The following PPP1R9A variants were observed in gnomAD, a reference collection of about 807,000 sequenced individuals.
PPP1R9A encodes protein phosphatase 1 regulatory subunit 9A, also known as neurabin-1.
PPP1R9A carries 59 observed loss-of-function variants against 141.9 expected under a neutral mutation model. The observed-to-expected ratio is 0.42, with a 90% confidence interval of 0.34 to 0.52. The LOEUF is 0.52. Among genes scored for constraint, PPP1R9A ranks in the 20% least tolerant of loss-of-function variants. The probability of loss-of-function intolerance (pLI) is 0.10; values close to 1 mark genes in which losing one functional copy is unlikely to be tolerated. For missense variants in PPP1R9A, 1,444 were observed against 1,611.9 expected, an observed-to-expected ratio of 0.90 and a Z score of 1.78; for synonymous variants, 500 against 569.7, an observed-to-expected ratio of 0.88 and a Z score of 1.74.
At chr7:95,138,208 A>G (rs565774268) in intron 4 of PPP1R9A, among the ~76,000 whole-genome samples, 54 of 152,340 alleles carry the variant, frequency 3.5e-4, no homozygotes, top group African/African-American at 1.2e-3. Flanking sequence ...CTGGGATTAC[A>G]GGCATGAGCC....
At chr7:95,280,095 G>A (rs1377797523) in intron 16 of PPP1R9A, among the ~76,000 whole-genome samples, 1 of 152,102 alleles carries the variant, frequency 6.6e-6, no homozygotes, top group African/African-American at 2.4e-5. Context: ...GCTTTAGATG[G>A]ACATGTTTCT....
chr7:94,984,273 G>T (rs1226715269), intron 2 of PPP1R9A, among the ~76,000 whole-genome samples: 1 of 152,186 alleles, frequency 6.6e-6, no homozygotes, highest in Non-Finnish European at 1.5e-5. Context: ...GTTCGTCAGG[G>T]ATATTGGTCT....
rs564220438 is a variant in PPP1R9A at position 94,911,122 on chromosome 7, C to T, written c.1009C>T (p.Pro337Ser). 3.2e-5 allele frequency: 52 copies of T among 1,614,148 alleles called. No homozygotes were observed. The South Asian group carries it at 5.4e-4, about 17-fold the overall frequency. ...TAAGGCAATGCCAAAGTCCGAAATC[C>T]CTTCACCACAAAGCCAACTGTTAGA... ...ESKAMPKSEI[P>S]SPQSQLLEDA... The change falls in exon 2 of 20, where the codon CCT (proline) becomes TCT (serine). Residue 337 changes from proline (P) to serine (S), a missense_variant. Physicochemically the swap from Pro to Ser is moderately conservative, Grantham distance 74. This residue lies in a region of PPP1R9A where 490 missense variants were observed against 521.1 expected (regional missense o/e 0.94). Transcript: ENST00000433360.
At chr7:95,055,538 T>A (rs1811390323) in intron 2 of PPP1R9A, among the ~76,000 whole-genome samples, 1 of 152,172 alleles carries the variant, frequency 6.6e-6, no homozygotes, top group Admixed American at 6.6e-5. Flanking sequence ...TTTTCTCTTC[T>A]CCATCGAGCT....
chr7:95,023,827 C>G (rs907393589), intron 2 of PPP1R9A, among the ~76,000 whole-genome samples: 1 of 152,176 alleles, frequency 6.6e-6, no homozygotes, highest in African/African-American at 2.4e-5. Context: ...GTTGGGATTA[C>G]AGGCGTGAGC....
Position 95,111,278 on chromosome 7 carries a change from A to G in PPP1R9A, c.1415A>G (p.Asn472Ser), listed in dbSNP as rs747028656. The G allele has an allele frequency of 2.5e-6, 4 of 1,612,982 alleles. No individual in the cohort carries two copies. The highest frequency in any genetic ancestry group is 1.7e-5 in the Admixed American group (1 of 59,958). The change falls in exon 3 of 20, where the codon AAT becomes AGT. Residue 472 changes from asparagine (N) to serine (S), a missense_variant. Coordinates refer to ENST00000433360, the MANE Select transcript of PPP1R9A (RefSeq NM_001166160.2). ...CTACAGGTTTTCAACACATACTCCA[A>G]TGAAGACTATGACAGGAGAAATGAC... is the stretch of plus-strand genomic sequence containing the variant. ...APIKVFNTYSNEDYDRRNDEV... is the reference protein window; with the variant it reads ...APIKVFNTYSSEDYDRRNDEV...
intron 2 of PPP1R9A, among the ~76,000 whole-genome samples, chr7:94,929,394 A>C (rs1480683603): frequency 1.3e-5 from 2 of 152,190 alleles, no homozygotes; most frequent in Non-Finnish European, 2.9e-5. Flanking sequence ...TCCTGGGAGA[A>C]GCCAAACTCT....
intron 4 of PPP1R9A, among the ~76,000 whole-genome samples, chr7:95,130,726 A>G (rs1243502998): frequency 6.6e-6 from 1 of 152,162 alleles, no homozygotes; most frequent in Non-Finnish European, 1.5e-5. Flanking sequence ...CCCACCTCTT[A>G]TATCATGTGA....
chr7:95,150,705 G>C (rs1412714839), intron 4 of PPP1R9A, among the ~76,000 whole-genome samples: 1 of 152,194 alleles, frequency 6.6e-6, no homozygotes, highest in East Asian at 1.9e-4. Flanking sequence ...GTGATAAGTA[G>C]TGTTAACGGA....
chr7:95,046,109 C>T (rs1393161872), intron 2 of PPP1R9A, among the ~76,000 whole-genome samples: 7 of 146,550 alleles, frequency 4.8e-5, no homozygotes, highest in African/African-American at 1.3e-4. Context: ...GACAGAGTCT[C>T]GCTCTGCCGC....
At chr7:95,229,574 C>T (rs1795625276) in intron 8 of PPP1R9A, among the ~76,000 whole-genome samples, 1 of 152,032 alleles carries the variant, frequency 6.6e-6, no homozygotes, top group Admixed American at 6.5e-5. Context: ...CTCCATTGGA[C>T]TGGGAACCAC....
At chr7:95,271,499 C>T (rs960754417) in intron 14 of PPP1R9A, among the ~76,000 whole-genome samples, 1 of 152,158 alleles carries the variant, frequency 6.6e-6, no homozygotes, top group African/African-American at 2.4e-5. Context: ...AATAGGAAAT[C>T]AGCAACATGA....
chr7:95,213,093 G>A (rs1223643430), intron 7 of PPP1R9A, among the ~76,000 whole-genome samples: 1 of 151,488 alleles, frequency 6.6e-6, no homozygotes, highest in African/African-American at 2.4e-5. Flanking sequence ...ACGTTGTTTG[G>A]AGACAATTCC....
intron 2 of PPP1R9A, among the ~76,000 whole-genome samples, chr7:95,055,359 T>G (rs2152032424): frequency 6.7e-6 from 1 of 148,776 alleles, no homozygotes; most frequent in Middle Eastern, 3.4e-3. Flanking sequence ...AACTTCAAAA[T>G]TCTTAACCCT....
In PPP1R9A at chr7:95,120,845, C is replaced by T. The variant is rs746361457; in HGVS notation, c.1649+13C>T. The T allele has an allele frequency of 3.2e-5, 51 of 1,610,402 alleles. No homozygotes were observed. In the Admixed American group the frequency reaches 8.6e-4, roughly 27 times the overall value. On this transcript the variant is annotated intron_variant, in intron 4 of 19. Coordinates refer to ENST00000433360, the MANE Select transcript of PPP1R9A (RefSeq NM_001166160.2). The stretch of plus-strand genomic sequence containing the variant: ...AACGGGATGGCAGGTAAATTAAGGA[C>T]TGTTGTTAATAACTTAAAATCTTTA...
At chr7:95,069,369 C>T (rs1315883116) in intron 2 of PPP1R9A, among the ~76,000 whole-genome samples, 3 of 151,616 alleles carry the variant, frequency 2.0e-5, no homozygotes, top group Non-Finnish European at 4.4e-5. Flanking sequence ...AATATTAATA[C>T]TAGTAAAGGA....
At chr7:95,239,206 A>G (rs192380849) in intron 8 of PPP1R9A, among the ~76,000 whole-genome samples, 1 of 152,200 alleles carries the variant, frequency 6.6e-6, no homozygotes, top group African/African-American at 2.4e-5. Context: ...TCATTGTTGT[A>G]TTTTGTGTCT....
At position 95,044,946 on chromosome 7, in the gene PPP1R9A, G is replaced by T. The variant is rs140721911; in HGVS notation, c.1396-66313G>T. ...AGGTTTGGTTTTAAAAATTTAAGTGGTTTCAGTAAAGGGCAATAAAAATGA... is the reference window on the plus strand; with the variant it reads ...AGGTTTGGTTTTAAAAATTTAAGTGTTTTCAGTAAAGGGCAATAAAAATGA... On this transcript the variant is annotated intron_variant, in intron 2 of 19. Coordinates refer to ENST00000433360, the MANE Select transcript of PPP1R9A (RefSeq NM_001166160.2). 3.8e-3 allele frequency among the ~76,000 whole-genome samples: 578 copies of T among 151,764 alleles called. 2 individuals carry two copies. The highest frequency in any genetic ancestry group is 6.1e-3 in the Non-Finnish European group (414 of 67,958).
intron 5 of PPP1R9A, among the ~76,000 whole-genome samples, chr7:95,172,149 T>C (rs1009771417): frequency 1.3e-5 from 2 of 151,644 alleles, no homozygotes; most frequent in African/African-American, 4.8e-5. Flanking sequence ...AATAACATTC[T>C]TAATGGTGAA....
Sources: gnomAD v4.1 joint callset for allele counts (sites outside exome capture counted in the v4.1 genomes callset) on GRCh38, gnomAD v4.1.1 for gene constraint, gnomAD v4.1.1 regional missense constraint, MANE v1.5 for transcripts, NCBI Gene and HGNC (gene_info 2026-07-23, HGNC 2026-07-21) for gene names.